Variants in CTNNA2 observed in about 807,000 individuals in gnomAD.
CTNNA2 encodes catenin alpha 2, also known as catenin alpha-2.
Under a neutral mutation model 101.0 loss-of-function variants are expected in CTNNA2, and 42 were observed. The ratio of observed to expected loss-of-function variants is 0.42; its 90% CI spans 0.32 to 0.54. The LOEUF is 0.54. CTNNA2 is among the 20% of genes least tolerant of loss of function. The probability of loss-of-function intolerance (pLI) is 0.14; values close to 1 mark genes in which losing one functional copy is unlikely to be tolerated. For synonymous variants in CTNNA2, 450 were observed against 456.4 expected, an observed-to-expected ratio of 0.99 and a Z score of 0.18; for missense variants, 871 against 1,223.1, an observed-to-expected ratio of 0.71 and a Z score of 4.29.
At chr2:79,891,427 A>C (rs1476197703) in intron 6 of CTNNA2, among the ~76,000 whole-genome samples, 1 of 152,232 alleles carries the variant, frequency 6.6e-6, no homozygotes, top group Non-Finnish European at 1.5e-5. Flanking sequence ...TGTGTTTGGC[A>C]CAAGTACTTA....
At chr2:79,500,366 T>A (rs138532682) in intron 4 of CTNNA2, among the ~76,000 whole-genome samples, 89 of 152,346 alleles carry the variant, frequency 5.8e-4, no homozygotes, top group Admixed American at 4.6e-4. Flanking sequence ...CCACCATTTC[T>A]ATGGGATACA....
Position 80,337,878 on chromosome 2 carries a change from C to A in CTNNA2, c.1057-55333C>A, listed in dbSNP as rs187768846. Among the ~76,000 whole-genome samples the A allele has an allele frequency of 6.4e-3, 972 of 152,332 alleles. 6 individuals carry two copies. Among genetic ancestry groups the A allele is most frequent in the Non-Finnish European group, 1.0e-2 (678 of 68,038 alleles). On this transcript the variant is annotated intron_variant, in intron 7 of 18. Transcript: ENST00000402739. ...AATTGACCCCACCATGGGAAGTGGG[C>A]TGGTCCAGAGGATAGTAGCAAGCCC...
chr2:79,882,104 T>C (rs761944785), intron 6 of CTNNA2, among the ~76,000 whole-genome samples: 3 of 152,058 alleles, frequency 2.0e-5, no homozygotes, highest in Non-Finnish European at 4.4e-5. Flanking sequence ...GGTTGAAAAT[T>C]CTTTTCTTTA....
chr2:80,169,019 G>T (rs569870507), intron 7 of CTNNA2, among the ~76,000 whole-genome samples: 6 of 152,186 alleles, frequency 3.9e-5, no homozygotes, highest in African/African-American at 1.2e-4. Context: ...GCTCTGCTCC[G>T]TGAGATAAGG....
intron 7 of CTNNA2, among the ~76,000 whole-genome samples, chr2:79,954,156 T>C (rs72920831): frequency 0.14 from 20,646 of 152,056 alleles, 1,569 homozygotes; most frequent in East Asian, 0.25. Context: ...AAAACTACCA[T>C]TTATAAAACC....
chr2:79,825,982 A>C (rs955502065), intron 3 of CTNNA2, among the ~76,000 whole-genome samples: 5 of 152,228 alleles, frequency 3.3e-5, no homozygotes, highest in African/African-American at 1.2e-4. Context: ...AAGAACTGCA[A>C]GTGCCATCAC....
chr2:80,217,225 CATATAT>C (rs959525622), intron 7 of CTNNA2, among the ~76,000 whole-genome samples: 8 of 152,116 alleles, frequency 5.3e-5, no homozygotes, highest in African/African-American at 1.9e-4. Flanking sequence ...GGTTGGTTGG[CATATAT>C]ATATTGCTAA....
intron 2 of CTNNA2, among the ~76,000 whole-genome samples, chr2:79,241,701 G>A (rs531046485): frequency 1.3e-5 from 2 of 152,222 alleles, no homozygotes; most frequent in African/African-American, 4.8e-5. Flanking sequence ...GTCTGAAGAT[G>A]GAATATTCTG....
At chr2:79,279,796 G>A (rs949247436) in intron 2 of CTNNA2, among the ~76,000 whole-genome samples, 1 of 151,974 alleles carries the variant, frequency 6.6e-6, no homozygotes, top group Admixed American at 6.6e-5. Context: ...ATTATGGGAA[G>A]AACAAAATAG....
chr2:79,792,757 A>C, intron 3 of CTNNA2, among the ~76,000 whole-genome samples: 1 of 152,210 alleles, frequency 6.6e-6, no homozygotes, highest in East Asian at 1.9e-4. Flanking sequence ...CCTAATCAGT[A>C]AAACAGAGAT....
At chr2:79,750,235 CT>C (rs966991190) in intron 3 of CTNNA2, among the ~76,000 whole-genome samples, 2 of 152,048 alleles carry the variant, frequency 1.3e-5, no homozygotes, top group African/African-American at 4.8e-5. Flanking sequence ...AGACTGAAAA[CT>C]TTTTTTTGAC....
intron 6 of CTNNA2, among the ~76,000 whole-genome samples, chr2:79,897,721 C>A (rs753937573): frequency 2.0e-5 from 3 of 152,080 alleles, no homozygotes; most frequent in Non-Finnish European, 4.4e-5. Context: ...AACCAAATAC[C>A]CAAGAATGGG....
rs147402944 is a variant in CTNNA2 at position 80,559,394 on chromosome 2, G to T, written c.1741+3501G>T. Among the ~76,000 whole-genome samples, 16 of 152,284 alleles carry T rather than the reference G, an allele frequency of 1.1e-4. No individual in the cohort carries two copies. In the East Asian group the frequency reaches 3.1e-3, roughly 30 times the overall value. ...CTGCATGGGTAGGTCACTGTAGGGAGACTCCCACTTTACCACTTGGCTGCC... is the reference window on the plus strand; with the variant it reads ...CTGCATGGGTAGGTCACTGTAGGGATACTCCCACTTTACCACTTGGCTGCC... On this transcript the variant is annotated intron_variant, in intron 12 of 18. Transcript: ENST00000402739.
intron 12 of CTNNA2, 135 bp from the exon 13 acceptor site, chr2:80,574,028 T>C (rs1050362956): frequency 8.0e-5 from 68 of 845,880 alleles, no homozygotes; most frequent in Non-Finnish European, 1.2e-4. Flanking sequence ...TGGGCTCACT[T>C]CAAACTGGAC....
chr2:80,115,746 G>A (rs1701476795), intron 7 of CTNNA2, among the ~76,000 whole-genome samples: 1 of 152,112 alleles, frequency 6.6e-6, no homozygotes, highest in African/African-American at 2.4e-5. Context: ...ACAGCCACGT[G>A]GAAGGGCAAG....
chr2:79,897,187 G>T (rs952816990), intron 6 of CTNNA2, among the ~76,000 whole-genome samples: 1 of 152,004 alleles, frequency 6.6e-6, no homozygotes, highest in Non-Finnish European at 1.5e-5. Flanking sequence ...AGAATTACTA[G>T]GTAAGAGTCC....
intron 2 of CTNNA2, among the ~76,000 whole-genome samples, chr2:79,735,565 A>G (rs773019045): frequency 1.2e-4 from 19 of 152,200 alleles, no homozygotes; most frequent in Non-Finnish European, 2.6e-4. Flanking sequence ...TCTACTTGCT[A>G]TTATATTCTT....
intron 7 of CTNNA2, among the ~76,000 whole-genome samples, chr2:80,154,710 A>G (rs1703907589): frequency 6.6e-6 from 1 of 152,186 alleles, no homozygotes; most frequent in African/African-American, 2.4e-5. Flanking sequence ...ATACCTGCTG[A>G]GTAGAAGCAG....
chr2:80,105,010 T>G (rs1488917194), intron 7 of CTNNA2, among the ~76,000 whole-genome samples: 6 of 152,206 alleles, frequency 3.9e-5, no homozygotes, highest in Non-Finnish European at 5.9e-5. Context: ...TTGCTGATTG[T>G]CAACAGTTTT....
Sources: allele counts gnomAD v4.1 joint callset (sites outside exome capture counted in the v4.1 genomes callset), GRCh38; gene constraint gnomAD v4.1.1; transcripts MANE v1.5; gene names NCBI Gene and HGNC (gene_info 2026-07-23, HGNC 2026-07-21).